ART3: variants seen among roughly 807,000 people sequenced by gnomAD.
ART3 encodes ADP-ribosyltransferase 3 (inactive), also known as ecto-ADP-ribosyltransferase 3.
A neutral mutation model predicts 48.5 loss-of-function variants in ART3; 49 were observed. The ratio of observed to expected loss-of-function variants is 1.01; its 90% CI spans 0.80 to 1.28. ART3 has a LOEUF of 1.28. Ranked by LOEUF, ART3 falls within the 50% of genes most tolerant of loss-of-function variation. The pLI is 0.00. For synonymous variants in ART3, 145 were observed against 157.2 expected, an observed-to-expected ratio of 0.92 and a Z score of 0.58; for missense variants, 438 against 454.3, an observed-to-expected ratio of 0.96 and a Z score of 0.33.
At chr4:76,079,194 A>AAAAAAAG (rs1315176340) in intron 2 of ART3, among the ~76,000 whole-genome samples, 1 of 149,600 alleles carries the variant, frequency 6.7e-6, no homozygotes, top group Non-Finnish European at 1.5e-5. Flanking sequence ...AAAAAAAAAA[A>AAAAAAAG]GGCGGGGGGC....
At chr4:76,069,245 A>G (rs976686232) in intron 1 of ART3, among the ~76,000 whole-genome samples, 3 of 135,962 alleles carry the variant, frequency 2.2e-5, no homozygotes, top group Admixed American at 2.2e-4. Flanking sequence ...TCATTACTCT[A>G]AAAAGAAGCC....
Position 76,047,532 on chromosome 4 carries a change from T to C in ART3, c.-9-28349T>C, listed in dbSNP as rs192154421. Among the ~76,000 whole-genome samples, 34 of 152,080 alleles carry C rather than the reference T, an allele frequency of 2.2e-4. No individual in the cohort carries two copies. In the East Asian group the frequency reaches 6.4e-3, roughly 28 times the overall value. On this transcript the variant is annotated intron_variant, in intron 1 of 9. Coordinates refer to the ART3 transcript ENST00000341029. ...GGGAAGGCAGAAGGATTTTCTTCCT[T>C]TCCCTGAGTTATGGCGGATATCATT...
At chr4:76,063,242 G>T (rs1719404082) in intron 1 of ART3, among the ~76,000 whole-genome samples, 1 of 152,078 alleles carries the variant, frequency 6.6e-6, no homozygotes, top group African/African-American at 2.4e-5. Context: ...CTAGAATAGT[G>T]CTTGGCCTAT....
chr4:76,067,482 A>T (rs1471063593), intron 1 of ART3, among the ~76,000 whole-genome samples: 3 of 152,226 alleles, frequency 2.0e-5, no homozygotes, highest in Non-Finnish European at 4.4e-5. Context: ...AAAAACACTA[A>T]ATTACTGAGC....
chr4:76,076,926 T>C (rs1285833983), intron 2 of ART3, among the ~76,000 whole-genome samples: 1 of 150,826 alleles, frequency 6.6e-6, no homozygotes, highest in Admixed American at 6.7e-5. Context: ...ATATCTTAAA[T>C]TCTTAAACTG....
intron 2 of ART3, among the ~76,000 whole-genome samples, chr4:76,079,761 A>G (rs1722015934): frequency 6.6e-6 from 1 of 152,118 alleles, no homozygotes; most frequent in Non-Finnish European, 1.5e-5. Context: ...GCAAGGACAG[A>G]CATCTCTTTC....
intron 2 of ART3, among the ~76,000 whole-genome samples, chr4:76,076,660 G>C (rs1266302714): frequency 6.6e-6 from 1 of 152,160 alleles, no homozygotes; most frequent in African/African-American, 2.4e-5. Flanking sequence ...CATGTCATCA[G>C]ATATTCTGAA....
chr4:76,011,863 G>T (rs771685024), intron 1 of ART3, among the ~76,000 whole-genome samples: 4 of 152,196 alleles, frequency 2.6e-5, no homozygotes, highest in Admixed American at 6.5e-5. Context: ...CATTCTCTCA[G>T]GAAGCAGGCA....
At chr4:76,065,577 A>ACACACACACACT (rs1719655967) in intron 1 of ART3, among the ~76,000 whole-genome samples, 1 of 151,120 alleles carries the variant, frequency 6.6e-6, no homozygotes, top group Non-Finnish European at 1.5e-5. Flanking sequence ...ACACACACAC[A>ACACACACACACT]CTCGTTGAAA....
chr4:76,071,942 G>C (rs192638090), upstream of ART3, among the ~76,000 whole-genome samples: 507 of 151,974 alleles, frequency 3.3e-3, 3 homozygotes, highest in Admixed American at 5.7e-3. Flanking sequence ...TTTGAGACAG[G>C]GTCTTACTCT....
chr4:76,082,173 T>A lies in ART3; in HGVS notation c.419T>A (p.Phe140Tyr), dbSNP rs560213585. Residue 140 changes from phenylalanine (F) to tyrosine (Y), a missense_variant, in exon 3 of 12, where the codon TTT becomes TAT. By Grantham distance (22) the Phe-to-Tyr change is conservative. Around this residue, in one of 3 missense-constraint regions of ART3, gnomAD observed 206 missense variants for 205.3 expected, o/e 1.00. Transcript: ENST00000355810. The stretch of plus-strand genomic sequence containing the variant: ...GGCTTCCAGTTCAAAGCTTTCCACT[T>A]TTACCTCACAAGAGCCCTGCAGTTG... ...IYGFQFKAFH[F>Y]YLTRALQLLR... 20 of 1,614,160 alleles carry A rather than the reference T, an allele frequency of 1.2e-5. No individual in the cohort carries two copies. The East Asian group carries it at 2.9e-4, about 23-fold the overall frequency.
upstream of ART3, among the ~76,000 whole-genome samples, chr4:76,069,815 ATATAT>A (rs1401012312): frequency 6.6e-6 from 1 of 150,752 alleles, no homozygotes; most frequent in African/African-American, 2.4e-5. Flanking sequence ...ATATTTATAG[ATATAT>A]TTATATTTAT....
intron 9 of ART3, 28 bp downstream of exon 9, chr4:76,103,997 A>G: frequency 6.2e-7 from 1 of 1,608,608 alleles, no homozygotes; most frequent in Non-Finnish European, 8.5e-7. Flanking sequence ...TTACTCCCTG[A>G]GCCCAAGAAT....
chr4:76,065,373 T>C (rs978067927), intron 1 of ART3, among the ~76,000 whole-genome samples: 1 of 152,172 alleles, frequency 6.6e-6, no homozygotes, highest in African/African-American at 2.4e-5. Context: ...ATGCCGATCT[T>C]TGGGATGTGG....
intron 1 of ART3, among the ~76,000 whole-genome samples, chr4:76,053,932 TGC>T (rs1736375535): frequency 6.6e-6 from 1 of 152,228 alleles, no homozygotes; most frequent in Non-Finnish European, 1.5e-5. Context: ...GGAAAATGAC[TGC>T]ACTCGACAAC....
At chr4:76,051,058 C>A (rs1181629772) in intron 1 of ART3, among the ~76,000 whole-genome samples, 1 of 152,274 alleles carries the variant, frequency 6.6e-6, no homozygotes, top group African/African-American at 2.4e-5. Flanking sequence ...TCCCTGCAAG[C>A]TGAGGGAGCC....
At chr4:76,034,364 A>G (rs1043308696) in intron 1 of ART3, 4 of 424,002 alleles carry the variant, frequency 9.4e-6, no homozygotes, top group African/African-American at 6.2e-5. Flanking sequence ...ATACAGACAG[A>G]TGACTTCTAG....
chr4:76,033,667 G>A (rs1734077052), intron 1 of ART3: 1 of 152,164 alleles, frequency 6.6e-6, no homozygotes, highest in Admixed American at 6.6e-5. Flanking sequence ...AAATGTCCTG[G>A]AAAGTATATA....
chr4:76,018,229 A>G (rs1055136668), intron 1 of ART3, among the ~76,000 whole-genome samples: 16 of 152,242 alleles, frequency 1.1e-4, no homozygotes, highest in African/African-American at 3.6e-4. Context: ...CATAAAGAAA[A>G]TGTGGTACAT....
Sources: allele counts gnomAD v4.1 joint callset (sites outside exome capture counted in the v4.1 genomes callset), GRCh38; gene constraint gnomAD v4.1.1; regional missense constraint gnomAD v4.1.1; transcripts MANE v1.5; gene names NCBI Gene and HGNC (gene_info 2026-07-23, HGNC 2026-07-21).